Variants in CELF4 observed in about 807,000 individuals in gnomAD.
The protein encoded by CELF4 is CUG-BP- and ETR-3-like factor 4.
Under a neutral mutation model 59.9 loss-of-function variants are expected in CELF4, and 18 were observed. The observed-to-expected ratio is 0.30, with a 90% CI of 0.21 to 0.45. The LOEUF (loss-of-function observed/expected upper bound fraction) is 0.45, where lower values mean the gene tolerates loss of function less well. CELF4 is among the 20% of genes least tolerant of loss of function. CELF4 has a pLI of 1.00. For missense variants in CELF4, 456 were observed against 689.0 expected, an observed-to-expected ratio of 0.66 and a Z score of 3.79; for synonymous variants, 261 against 267.1, an observed-to-expected ratio of 0.98 and a Z score of 0.22.
intron 3 of CELF4, among the ~76,000 whole-genome samples, chr18:37,299,939 G>T (rs543399359): frequency 3.3e-5 from 5 of 152,232 alleles, no homozygotes; most frequent in African/African-American, 1.2e-4. Context: ...CTGGAGTGCA[G>T]AGCCACAACC....
chr18:37,330,904 C>T (rs1184688754), intron 2 of CELF4, among the ~76,000 whole-genome samples: 1 of 152,202 alleles, frequency 6.6e-6, no homozygotes, highest in Non-Finnish European at 1.5e-5. Context: ...TGGTGGCGAT[C>T]ATCATTTAGA....
intron 2 of CELF4, among the ~76,000 whole-genome samples, chr18:37,470,836 C>CTGTGTGTGTG (rs71381583): frequency 1.6e-3 from 149 of 93,200 alleles, no homozygotes; most frequent in African/African-American, 2.6e-3. Flanking sequence ...CTTCATGACT[C>CTGTGTGTGTG]TGTGTGTGTG....
intron 11 of CELF4, among the ~76,000 whole-genome samples, chr18:37,256,821 G>C (rs999020462): frequency 3.3e-5 from 5 of 152,174 alleles, no homozygotes; most frequent in Non-Finnish European, 7.3e-5. Flanking sequence ...CTGACCTCAA[G>C]TGATCTGCCC....
At position 37,424,755 on chromosome 18, in the gene CELF4, C is replaced by G. The variant is rs894307766; in HGVS notation, c.369+60770G>C. On this transcript the variant is annotated intron_variant, in intron 2 of 12. Transcript: ENST00000420428. ...AGCTCAGCCCAGCTTTGGCTGCCTCCTCCCCCTACCCTTCTCACTCATCCT... is the reference window on the plus strand; with the variant it reads ...AGCTCAGCCCAGCTTTGGCTGCCTCGTCCCCCTACCCTTCTCACTCATCCT... Among the ~76,000 whole-genome samples the G allele has an allele frequency of 3.9e-5, 6 of 152,130 alleles. No homozygotes were observed. The South Asian group carries it at 1.2e-3, about 31-fold the overall frequency.
intron 3 of CELF4, among the ~76,000 whole-genome samples, chr18:37,314,781 C>T (rs2096804732): frequency 6.6e-6 from 1 of 152,162 alleles, no homozygotes; most frequent in Non-Finnish European, 1.5e-5. Context: ...CCTGCCTTCA[C>T]CTGCCTACCT....
chr18:37,541,842 C>T (rs1390408214), intron 1 of CELF4, among the ~76,000 whole-genome samples: 32 of 152,040 alleles, frequency 2.1e-4, no homozygotes, highest in Non-Finnish European at 1.5e-5. Context: ...CAGAGGAGCC[C>T]TCCCCACTGA....
intron 2 of CELF4, among the ~76,000 whole-genome samples, chr18:37,422,961 A>G (rs909166978): frequency 1.3e-5 from 2 of 152,070 alleles, no homozygotes; most frequent in African/African-American, 4.8e-5. Flanking sequence ...CTCATTTCCA[A>G]AGCCACTTTC....
At chr18:37,445,867 G>A (rs530822049) in intron 2 of CELF4, among the ~76,000 whole-genome samples, 1 of 152,224 alleles carries the variant, frequency 6.6e-6, no homozygotes, top group South Asian at 2.1e-4. Context: ...CTCTTTCTCT[G>A]TCTCCCACCA....
intron 2 of CELF4, among the ~76,000 whole-genome samples, chr18:37,398,715 C>T (rs559395425): frequency 6.6e-6 from 1 of 152,294 alleles, no homozygotes; most frequent in South Asian, 2.1e-4. Context: ...TTGTTTCTCT[C>T]CAAGGCGTGG....
intron 2 of CELF4, among the ~76,000 whole-genome samples, chr18:37,322,658 T>C (rs1440048872): frequency 2.0e-5 from 3 of 152,186 alleles, no homozygotes; most frequent in African/African-American, 4.8e-5. Flanking sequence ...GCTGCCTGGC[T>C]TCAGGGCTCA....
At chr18:37,471,780 C>T (rs955021707) in intron 2 of CELF4, among the ~76,000 whole-genome samples, 5 of 152,306 alleles carry the variant, frequency 3.3e-5, no homozygotes, top group South Asian at 4.1e-4. Flanking sequence ...GCACCTAGCG[C>T]GGGGCTATGC....
At position 37,302,072 on chromosome 18, in the gene CELF4, T is replaced by C. The variant is rs531412603; in HGVS notation, c.448+19731A>G. On this transcript the variant is annotated intron_variant, in intron 3 of 12. Transcript: ENST00000420428. ...CCACTTTGGTTGGCTTTGGAATATA[T>C]GTTGACTTTCACAGCGAACAAGTTG... Among the ~76,000 whole-genome samples the C allele has an allele frequency of 1.3e-4, 20 of 152,312 alleles. No individual in the cohort carries two copies. The East Asian group carries it at 3.5e-3, about 26-fold the overall frequency.
intron 1 of CELF4, among the ~76,000 whole-genome samples, chr18:37,492,101 G>C (rs1203776719): frequency 2.0e-5 from 3 of 152,176 alleles, no homozygotes; most frequent in African/African-American, 7.2e-5. Context: ...AGAGGAAGGT[G>C]GCCCTAGAAT....
At chr18:37,463,807 GT>G (rs1027006086) in intron 2 of CELF4, among the ~76,000 whole-genome samples, 51 of 152,126 alleles carry the variant, frequency 3.4e-4, no homozygotes, top group African/African-American at 1.1e-3. Context: ...CAACCTGGAG[GT>G]TTTTTTTCTT....
intron 2 of CELF4, among the ~76,000 whole-genome samples, chr18:37,329,562 G>A (rs74333630): frequency 0.034 from 5,228 of 152,286 alleles, 127 homozygotes; most frequent in Non-Finnish European, 0.047. Context: ...GGCACAGCAC[G>A]GCCAGCCTGG....
chr18:37,467,838 G>A (rs1245775401), intron 2 of CELF4, among the ~76,000 whole-genome samples: 1 of 152,206 alleles, frequency 6.6e-6, no homozygotes, highest in Non-Finnish European at 1.5e-5. Context: ...GAAAGTGTGT[G>A]TACCTGTGTG....
chr18:37,258,975 G>A, intron 11 of CELF4: 1 of 655,876 alleles, frequency 1.5e-6, no homozygotes, highest in Non-Finnish European at 2.6e-6. Flanking sequence ...GGAGAGAGAA[G>A]GGTGAGATGA....
Position 37,332,302 on chromosome 18 carries a change from C to G in CELF4, c.370-10421G>C, listed in dbSNP as rs181466954. 1.4e-4 allele frequency among the ~76,000 whole-genome samples: 21 copies of G among 152,262 alleles called. No individual in the cohort carries two copies. In the East Asian group the frequency reaches 4.1e-3, roughly 29 times the overall value. On this transcript the variant is annotated intron_variant, in intron 2 of 12. Coordinates refer to ENST00000420428, the MANE Select transcript of CELF4 (RefSeq NM_020180.4). ...AGAGTCTGCAGGATGTGGGGTGGGA[C>G]GCAGTGGTCTCGGTCCAGGTGGCAC...
intron 2 of CELF4, among the ~76,000 whole-genome samples, chr18:37,444,025 C>T (rs1462259886): frequency 6.6e-6 from 1 of 152,178 alleles, no homozygotes; most frequent in East Asian, 1.9e-4. Flanking sequence ...CTGCTACGTA[C>T]TGGCTGTGTG....
Sources: allele counts gnomAD v4.1 joint callset (sites outside exome capture counted in the v4.1 genomes callset), GRCh38; gene constraint gnomAD v4.1.1; transcripts MANE v1.5; gene names NCBI Gene and HGNC (gene_info 2026-07-23, HGNC 2026-07-21).